The following FOXP1 variants were observed in gnomAD, a reference collection of about 807,000 sequenced individuals.
FOXP1 encodes the protein forkhead box protein P1.
Under a neutral mutation model 98.2 loss-of-function variants are expected in FOXP1, and 15 were observed. The observed-to-expected ratio is 0.15, with a 90% CI of 0.10 to 0.24. The LOEUF is 0.24. Ranked by LOEUF, FOXP1 falls within the 10% of genes least tolerant of loss-of-function variation. The pLI is 1.00. For synonymous variants in FOXP1, 371 were observed against 314.5 expected, an observed-to-expected ratio of 1.18 and a Z score of -1.90; for missense variants, 633 against 848.5, an observed-to-expected ratio of 0.75 and a Z score of 3.15.
intron 20 of FOXP1, 140 bp from the exon 21 acceptor site, chr3:70,959,531 G>C: frequency 1.1e-6 from 1 of 880,432 alleles, no homozygotes; most frequent in Non-Finnish European, 1.8e-6. Context: ...AGCCACACGT[G>C]GCTCTTTAAA....
chr3:71,465,763 C>T (rs1418532562), intron 3 of FOXP1, among the ~76,000 whole-genome samples: 1 of 152,126 alleles, frequency 6.6e-6, no homozygotes, highest in African/African-American at 2.4e-5. Context: ...GCCCATGGCC[C>T]GTTAGGAAAC....
intron 5 of FOXP1, among the ~76,000 whole-genome samples, chr3:71,225,702 G>A (rs1216611945): frequency 6.6e-6 from 1 of 152,164 alleles, no homozygotes; most frequent in Non-Finnish European, 1.5e-5. Flanking sequence ...CTCATTTCTA[G>A]TTCTCTGCCC....
chr3:71,434,292 C>T (rs556229395), intron 3 of FOXP1, among the ~76,000 whole-genome samples: 3 of 151,276 alleles, frequency 2.0e-5, no homozygotes, highest in Admixed American at 6.6e-5. Context: ...AAGACTTGTT[C>T]CCCCGCAGTC....
intron 5 of FOXP1, among the ~76,000 whole-genome samples, chr3:71,228,780 G>A (rs970466505): frequency 1.3e-5 from 2 of 152,152 alleles, no homozygotes; most frequent in Non-Finnish European, 2.9e-5. Context: ...TAGCCAATTA[G>A]TGACTAACAG....
chr3:71,059,676 T>A (rs183633950), intron 7 of FOXP1, among the ~76,000 whole-genome samples: 1 of 152,256 alleles, frequency 6.6e-6, no homozygotes, highest in East Asian at 1.9e-4. Flanking sequence ...GAAAACAATT[T>A]AGGGCATGTG....
In FOXP1 at chr3:71,577,768, G is replaced by A. The variant is rs574911936; in HGVS notation, c.-298+3781C>T. On this transcript the variant is annotated intron_variant, in intron 2 of 20. Coordinates refer to ENST00000649528, the MANE Select transcript of FOXP1 (RefSeq NM_001349338.3). Reference sequence around the variant, plus strand: ...CAAACTCAATGTTTGATCACCTGGTGGGACTAACTACCATCAACTTAAAAA... The same window carrying A: ...CAAACTCAATGTTTGATCACCTGGTAGGACTAACTACCATCAACTTAAAAA... Among the ~76,000 whole-genome samples the A allele has an allele frequency of 9.2e-4, 139 of 151,736 alleles. 1 individual carries two copies. The highest frequency in any genetic ancestry group is 1.4e-3 in the Non-Finnish European group (98 of 67,950).
chr3:71,021,618 G>A (rs544458887), intron 11 of FOXP1, among the ~76,000 whole-genome samples: 6 of 152,254 alleles, frequency 3.9e-5, no homozygotes, highest in South Asian at 2.1e-4. Context: ...CTTTGAGACC[G>A]CTTTCCAAAG....
chr3:71,025,540 TC>T (rs1480189115), intron 11 of FOXP1, among the ~76,000 whole-genome samples: 1 of 152,184 alleles, frequency 6.6e-6, no homozygotes, highest in Non-Finnish European at 1.5e-5. Flanking sequence ...CTGGGCAACC[TC>T]CCCAAGTAAT....
At chr3:71,387,789 G>A (rs778327573) in intron 3 of FOXP1, among the ~76,000 whole-genome samples, 9 of 152,156 alleles carry the variant, frequency 5.9e-5, no homozygotes, top group African/African-American at 1.7e-4. Flanking sequence ...AAACAAAGTC[G>A]TTGTTCAATC....
chr3:71,448,437 T>C (rs2086651038), intron 3 of FOXP1, among the ~76,000 whole-genome samples: 1 of 152,186 alleles, frequency 6.6e-6, no homozygotes, highest in Admixed American at 6.5e-5. Flanking sequence ...CCTATAATAA[T>C]ATCCCTGGAC....
chr3:71,276,677 G>A (rs971593502), intron 5 of FOXP1, among the ~76,000 whole-genome samples: 1 of 152,074 alleles, frequency 6.6e-6, no homozygotes, highest in African/African-American at 2.4e-5. Flanking sequence ...CAGTGTTTCA[G>A]TACACATAAT....
At chr3:71,348,522 C>CGT (rs772944612) in intron 4 of FOXP1, among the ~76,000 whole-genome samples, 9,389 of 69,906 alleles carry the variant, frequency 0.13, 456 homozygotes, top group African/African-American at 0.18. Flanking sequence ...TGTGTGTGTG[C>CGT]GTGTGTGTGT....
chr3:70,970,951 C>T (rs1044909089), intron 18 of FOXP1, 146 bp from the exon 19 acceptor site: 11 of 697,060 alleles, frequency 1.6e-5, no homozygotes, highest in East Asian at 8.2e-5. Context: ...GCTTTCTCCC[C>T]GTCACTGATT....
chr3:71,200,037 G>A lies in FOXP1; in HGVS notation c.-11-1645C>T, dbSNP rs547909584. On this transcript the variant is annotated intron_variant, in intron 5 of 20. Coordinates refer to ENST00000649528, the MANE Select transcript of FOXP1 (RefSeq NM_001349338.3). ...GCGGAGGTTGCAGTGAGCTGAGATC[G>A]CACCACTGCACTCCAGCCTGAGCTA... Among the ~76,000 whole-genome samples the A allele has an allele frequency of 1.6e-4, 20 of 123,112 alleles. No homozygotes were observed. The South Asian group carries it at 2.1e-3, about 13-fold the overall frequency. 80.8% of individuals were successfully genotyped at this position (123,112 alleles called of 152,430 possible). A position where few individuals can be genotyped will look rare whatever the true frequency, so the allele number is the denominator to read the frequency against.
chr3:71,081,594 G>C (rs1199381088), intron 7 of FOXP1, among the ~76,000 whole-genome samples: 1 of 152,164 alleles, frequency 6.6e-6, no homozygotes, highest in East Asian at 1.9e-4. Context: ...AAAATAATCA[G>C]CCTCCAACAC....
At chr3:71,391,630 C>A (rs762813592) in intron 3 of FOXP1, among the ~76,000 whole-genome samples, 7 of 152,200 alleles carry the variant, frequency 4.6e-5, no homozygotes, top group African/African-American at 1.7e-4. Context: ...AAGTTAACTG[C>A]GGAGCGTTAC....
intron 6 of FOXP1, among the ~76,000 whole-genome samples, chr3:71,197,150 C>G (rs888465755): frequency 6.6e-6 from 1 of 152,208 alleles, no homozygotes. Flanking sequence ...GGTTTGAGCA[C>G]TTTGTCCCTA....
chr3:71,142,280 G>A (rs1159446694), intron 6 of FOXP1, among the ~76,000 whole-genome samples: 1 of 152,154 alleles, frequency 6.6e-6, no homozygotes, highest in East Asian at 1.9e-4. Context: ...GAATTCTCAG[G>A]TGACCCTTAC....
At chr3:71,408,441 C>G (rs2082501668) in intron 3 of FOXP1, among the ~76,000 whole-genome samples, 1 of 152,176 alleles carries the variant, frequency 6.6e-6, no homozygotes, top group African/African-American at 2.4e-5. Context: ...TGCGCACATT[C>G]ACGAGGTTTT....
Sources: allele counts gnomAD v4.1 joint callset (sites outside exome capture counted in the v4.1 genomes callset), GRCh38; gene constraint gnomAD v4.1.1; transcripts MANE v1.5; gene names NCBI Gene and HGNC (gene_info 2026-07-23, HGNC 2026-07-21).